KCNH5: variants seen among roughly 807,000 people sequenced by gnomAD.
KCNH5 encodes potassium voltage-gated channel subfamily H member 5.
KCNH5 carries 46 observed loss-of-function variants against 96.1 expected under a neutral mutation model. The observed-to-expected ratio is 0.48, with a 90% CI of 0.38 to 0.61. The LOEUF is 0.61. KCNH5 is among the 20% of genes least tolerant of loss of function. KCNH5 has a pLI of 0.00. For synonymous variants in KCNH5, 439 were observed against 449.8 expected, an observed-to-expected ratio of 0.98 and a Z score of 0.30; for missense variants, 907 against 1,225.8, an observed-to-expected ratio of 0.74 and a Z score of 3.88.
At chr14:62,756,390 A>C (rs1349410599) in intron 10 of KCNH5, among the ~76,000 whole-genome samples, 1 of 152,150 alleles carries the variant, frequency 6.6e-6, no homozygotes, top group Non-Finnish European at 1.5e-5. Context: ...CCATCTATGG[A>C]TTCAACACAA....
chr14:62,737,736 T>C, intron 10 of KCNH5, among the ~76,000 whole-genome samples: 1 of 151,938 alleles, frequency 6.6e-6, no homozygotes, highest in East Asian at 1.9e-4. Flanking sequence ...AAAGAAAAAG[T>C]AAAAGAAATC....
chr14:62,810,689 G>T (rs971501501), intron 8 of KCNH5, among the ~76,000 whole-genome samples: 1 of 152,044 alleles, frequency 6.6e-6, no homozygotes, highest in African/African-American at 2.4e-5. Context: ...ACTCTATATG[G>T]TCTAAAAAGG....
chr14:63,005,401 A>C (rs907820513), intron 3 of KCNH5, among the ~76,000 whole-genome samples: 1 of 152,244 alleles, frequency 6.6e-6, no homozygotes, highest in Admixed American at 6.5e-5. Flanking sequence ...AATGGAGAGG[A>C]TAAATTATGC....
In KCNH5 at chr14:62,708,123, G is replaced by A; in HGVS notation, c.2352C>T (p.Leu784=). Reference sequence around the variant, plus strand: ...TTTGGTCAGCACCGCCGTTGGGCTTGAGTTCCATGGCATCACGGTTGTTCT... The same window carrying A: ...TTTGGTCAGCACCGCCGTTGGGCTTAAGTTCCATGGCATCACGGTTGTTCT... The part of the protein sequence containing the change: ...LKQNNRDAME[L]KPNGGADQKC... Residue 784 remains leucine, a synonymous_variant, in exon 11 of 11, where the codon CTC becomes CTT. Coordinates refer to ENST00000322893, the MANE Select transcript of KCNH5 (RefSeq NM_139318.5). The A allele has an allele frequency of 6.2e-7, 1 of 1,614,216 alleles. No homozygotes were observed. The highest frequency in any genetic ancestry group is 8.5e-7 in the Non-Finnish European group (1 of 1,180,046).
At chr14:62,729,698 G>A (rs146856143) in intron 10 of KCNH5, among the ~76,000 whole-genome samples, 14 of 152,200 alleles carry the variant, frequency 9.2e-5, no homozygotes, top group Non-Finnish European at 1.5e-4. Context: ...CACAATGCTA[G>A]ATGACATTTC....
chr14:62,900,763 C>A (rs965924824), intron 7 of KCNH5, among the ~76,000 whole-genome samples: 1 of 151,428 alleles, frequency 6.6e-6, no homozygotes, highest in Admixed American at 6.6e-5. Context: ...TGAGGAGGGT[C>A]AACAAAACTA....
intron 7 of KCNH5, among the ~76,000 whole-genome samples, chr14:62,888,005 TA>T (rs1161268592): frequency 1.3e-5 from 2 of 152,196 alleles, no homozygotes; most frequent in African/African-American, 2.4e-5. Context: ...ATCTTTTTAC[TA>T]ATTCTAACAC....
intron 9 of KCNH5, among the ~76,000 whole-genome samples, chr14:62,795,781 G>A (rs192946501): frequency 1.3e-5 from 2 of 152,128 alleles, no homozygotes; most frequent in Non-Finnish European, 2.9e-5. Flanking sequence ...AACAGGGGAA[G>A]GATAAAAATA....
At chr14:63,037,827 A>C (rs1307578697) in intron 1 of KCNH5, among the ~76,000 whole-genome samples, 2 of 152,196 alleles carry the variant, frequency 1.3e-5, no homozygotes, top group Non-Finnish European at 2.9e-5. Context: ...GTACTTAAGC[A>C]GGTAAGGATT....
At chr14:62,714,114 C>A (rs1884632561) in intron 10 of KCNH5, among the ~76,000 whole-genome samples, 1 of 115,452 alleles carries the variant, frequency 8.7e-6, no homozygotes, top group Non-Finnish European at 1.8e-5. Context: ...GAGACCCTAT[C>A]TCTACAATAA....
At chr14:62,943,794 T>A (rs1011984759) in intron 7 of KCNH5, among the ~76,000 whole-genome samples, 1 of 151,532 alleles carries the variant, frequency 6.6e-6, no homozygotes, top group African/African-American at 2.4e-5. Flanking sequence ...GCAGACAGAG[T>A]ATGAAAAAAC....
intron 7 of KCNH5, among the ~76,000 whole-genome samples, chr14:62,907,448 A>C (rs972511419): frequency 4.6e-5 from 7 of 152,134 alleles, no homozygotes; most frequent in Non-Finnish European, 8.8e-5. Flanking sequence ...TTTATCGTGC[A>C]TTTTTATTCT....
chr14:62,870,061 T>C (rs868579493), intron 7 of KCNH5, among the ~76,000 whole-genome samples: 2 of 152,216 alleles, frequency 1.3e-5, no homozygotes, highest in Non-Finnish European at 2.9e-5. Context: ...ACTTCGAGTG[T>C]ATGCTACAGC....
chr14:62,999,630 G>A (rs551920180), intron 4 of KCNH5, among the ~76,000 whole-genome samples: 11 of 144,436 alleles, frequency 7.6e-5, no homozygotes, highest in South Asian at 2.2e-4. Flanking sequence ...ACCAAACACC[G>A]CATGTTCTCA....
rs144843202 is a variant in KCNH5 at position 62,905,018 on chromosome 14, G to C, written c.1369+45115C>G. Among the ~76,000 whole-genome samples the C allele has an allele frequency of 2.5e-3, 380 of 152,310 alleles. 1 individual carries two copies. The highest frequency in any genetic ancestry group is 0.02 in the Middle Eastern group (6 of 294). On this transcript the variant is annotated intron_variant, in intron 7 of 10. Coordinates refer to ENST00000322893, the MANE Select transcript of KCNH5 (RefSeq NM_139318.5). ...GTTCTAGTTGCATTTTTGAGTATCA[G>C]TGTATTTCTTCAGTATTGCCCACAG...
chr14:62,793,005 G>T (rs1886465030), intron 9 of KCNH5, among the ~76,000 whole-genome samples: 1 of 151,740 alleles, frequency 6.6e-6, no homozygotes, highest in Admixed American at 6.6e-5. Context: ...TAATATAGGT[G>T]AACCTGGAGA....
At chr14:62,846,646 T>C (rs1442205787) in intron 8 of KCNH5, among the ~76,000 whole-genome samples, 1 of 151,770 alleles carries the variant, frequency 6.6e-6, no homozygotes, top group Non-Finnish European at 1.5e-5. Flanking sequence ...TCTTTACAAT[T>C]CATTCTTTAA....
At chr14:62,819,053 G>A (rs961722640) in intron 8 of KCNH5, among the ~76,000 whole-genome samples, 4 of 152,226 alleles carry the variant, frequency 2.6e-5, no homozygotes, top group East Asian at 1.9e-4. Context: ...TGAAAGCTCC[G>A]CCTTCCGGGT....
At chr14:62,949,732 C>T in intron 7 of KCNH5, 1 of 175,918 alleles carries the variant, frequency 5.7e-6, no homozygotes, top group Non-Finnish European at 1.2e-5. Context: ...CTAAGGTCAA[C>T]TTTAATTTAG....
Sources: allele counts gnomAD v4.1 joint callset (sites outside exome capture counted in the v4.1 genomes callset), GRCh38; gene constraint gnomAD v4.1.1; transcripts MANE v1.5; gene names NCBI Gene and HGNC (gene_info 2026-07-23, HGNC 2026-07-21).